Variants in ADAM32 observed in about 807,000 individuals in gnomAD.
ADAM32 encodes the protein ADAM metallopeptidase domain 32.
Under a neutral mutation model 114.9 loss-of-function variants are expected in ADAM32, and 89 were observed. That is an observed-to-expected ratio of 0.77 (90% CI 0.65 to 0.92). ADAM32 has a LOEUF of 0.92. ADAM32 is among the 40% of genes least tolerant of loss of function. The pLI, the probability that ADAM32 is intolerant of heterozygous loss-of-function variation, is 0.00. For missense variants in ADAM32, 870 were observed against 932.8 expected (o/e 0.93, Z 0.88); for synonymous variants, 285 against 307.5 (o/e 0.93, Z 0.77).
intron 11 of ADAM32, among the ~76,000 whole-genome samples, chr8:39,195,127 A>G (rs867022368): frequency 2.6e-5 from 4 of 152,126 alleles, no homozygotes; most frequent in African/African-American, 9.7e-5. Flanking sequence ...TCAGCCCAGC[A>G]TCTGTGTCTT....
chr8:39,124,658 C>A (rs1802008931), intron 2 of ADAM32, among the ~76,000 whole-genome samples: 1 of 152,040 alleles, frequency 6.6e-6, no homozygotes, highest in African/African-American at 2.4e-5. Context: ...CCTTGTGATC[C>A]ACCGCCTTGG....
chr8:39,129,355 C>A (rs1018237828), intron 2 of ADAM32, among the ~76,000 whole-genome samples: 1 of 151,962 alleles, frequency 6.6e-6, no homozygotes, highest in African/African-American at 2.4e-5. Context: ...TTTGTAAAGG[C>A]CTTTATCATG....
At chr8:39,143,624 G>A (rs888055774) in intron 3 of ADAM32, among the ~76,000 whole-genome samples, 4 of 152,210 alleles carry the variant, frequency 2.6e-5, no homozygotes, top group African/African-American at 2.4e-5. Flanking sequence ...GGTGTCTGTC[G>A]ACCCCTACTG....
intron 20 of ADAM32, among the ~76,000 whole-genome samples, chr8:39,272,996 T>A (rs1812828783): frequency 6.6e-6 from 1 of 152,100 alleles, no homozygotes; most frequent in African/African-American, 2.4e-5. Flanking sequence ...AGCCTTGGTC[T>A]ATGCAGGGTC....
At chr8:39,210,913 G>C (rs907205974) in intron 11 of ADAM32, among the ~76,000 whole-genome samples, 3 of 150,528 alleles carry the variant, frequency 2.0e-5, no homozygotes, top group East Asian at 1.9e-4. Context: ...TTGGATTACT[G>C]TGTGTGTGTG....
At chr8:39,130,365 G>GT (rs1024603958) in intron 2 of ADAM32, among the ~76,000 whole-genome samples, 9 of 151,568 alleles carry the variant, frequency 5.9e-5, no homozygotes, top group South Asian at 2.1e-4. Context: ...GATTTTCTTT[G>GT]TTTTTTTGTT....
intron 3 of ADAM32, among the ~76,000 whole-genome samples, chr8:39,139,026 CT>C (rs1331946614): frequency 2.0e-5 from 3 of 151,970 alleles, no homozygotes; most frequent in Admixed American, 6.6e-5. Flanking sequence ...GGGTTGTTTG[CT>C]TTTTTTCTTT....
intron 11 of ADAM32, among the ~76,000 whole-genome samples, chr8:39,207,163 T>C (rs1211176746): frequency 6.6e-6 from 1 of 152,190 alleles, no homozygotes; most frequent in African/African-American, 2.4e-5. Flanking sequence ...TCTCTGCTCC[T>C]CTGTCTTTCT....
At chr8:39,175,120 C>G (rs1435305986) in intron 10 of ADAM32, among the ~76,000 whole-genome samples, 1 of 152,158 alleles carries the variant, frequency 6.6e-6, no homozygotes, top group Non-Finnish European at 1.5e-5. Flanking sequence ...AGGATCATGT[C>G]ATCTGCAAAC....
At chr8:39,124,543 G>T (rs903466269) in intron 2 of ADAM32, among the ~76,000 whole-genome samples, 1 of 151,514 alleles carries the variant, frequency 6.6e-6, no homozygotes, top group African/African-American at 2.4e-5. Flanking sequence ...TCAGCCTCCC[G>T]AGTAGCTGGG....
At chr8:39,126,406 G>T (rs1307773540) in intron 2 of ADAM32, among the ~76,000 whole-genome samples, 1 of 152,132 alleles carries the variant, frequency 6.6e-6, no homozygotes, top group Admixed American at 6.6e-5. Flanking sequence ...CTCGTTAGCT[G>T]CATTCCTAGG....
chr8:39,160,889 TTTTCTA>T lies in ADAM32; in HGVS notation c.526-7_526-2del, dbSNP rs1804466920. The T allele has an allele frequency of 2.5e-6, 4 of 1,578,440 alleles. No homozygotes were observed. The highest frequency in any genetic ancestry group is 3.4e-6 in the Non-Finnish European group (4 of 1,163,972). On this transcript the variant is annotated splice_acceptor_variant and splice_polypyrimidine_tract_variant and intron_variant, in intron 6 of 24. Transcript: ENST00000379907. LOFTEE classifies it high-confidence loss of function. ...TCATGTATTATATGCTGTTTTCCTT[TTTTCTA>T]GTCAGAACCAGCTGTTCCAGATTTA...
At position 39,227,828 on chromosome 8, in the gene ADAM32, G is replaced by A. The variant is rs543905683; in HGVS notation, c.1526-4199G>A. On this transcript the variant is annotated intron_variant, in intron 14 of 24. Transcript: ENST00000379907. ...ACTGGTCCCTCTCCATACTACCACA[G>A]CTGATGCTCTCTGGAAAGGACCACC... 2.1e-4 allele frequency among the ~76,000 whole-genome samples: 32 copies of A among 152,286 alleles called. 1 individual carries two copies. In the South Asian group the frequency reaches 6.4e-3, roughly 31 times the overall value.
intron 10 of ADAM32, among the ~76,000 whole-genome samples, chr8:39,186,664 ACTAC>A (rs1378369953): frequency 1.3e-5 from 2 of 152,196 alleles, no homozygotes; most frequent in Non-Finnish European, 2.9e-5. Context: ...ATTGATACTA[ACTAC>A]CTAAGAATTA....
chr8:39,261,683 T>C (rs9632843), intron 19 of ADAM32, among the ~76,000 whole-genome samples: 272 of 152,312 alleles, frequency 1.8e-3, no homozygotes, highest in African/African-American at 5.8e-3. Context: ...ACAGTGTCCC[T>C]TTTCTCTGCA....
intron 5 of ADAM32, among the ~76,000 whole-genome samples, chr8:39,150,085 G>A (rs1288213333): frequency 1.3e-5 from 2 of 152,068 alleles, no homozygotes; most frequent in Admixed American, 1.3e-4. Flanking sequence ...AGATTTCCTA[G>A]TCTCCTTGCT....
At chr8:39,180,716 G>C (rs987234219) in intron 10 of ADAM32, among the ~76,000 whole-genome samples, 2 of 152,174 alleles carry the variant, frequency 1.3e-5, no homozygotes, top group African/African-American at 2.4e-5. Context: ...TCTAGCTCAG[G>C]GTTTGTGAGT....
chr8:39,143,936 C>T (rs529702114), intron 3 of ADAM32, among the ~76,000 whole-genome samples: 1 of 152,172 alleles, frequency 6.6e-6, no homozygotes, highest in Non-Finnish European at 1.5e-5. Flanking sequence ...GGCAGATGAC[C>T]CTTCCCCCAA....
At chr8:39,179,959 C>T (rs1406175803) in intron 10 of ADAM32, among the ~76,000 whole-genome samples, 1 of 152,216 alleles carries the variant, frequency 6.6e-6, no homozygotes, top group Non-Finnish European at 1.5e-5. Flanking sequence ...GCTGGCAGTC[C>T]TCAGAGCCCT....
Sources: allele counts gnomAD v4.1 joint callset (sites outside exome capture counted in the v4.1 genomes callset), GRCh38; gene constraint gnomAD v4.1.1; transcripts MANE v1.5; gene names NCBI Gene and HGNC (gene_info 2026-07-23, HGNC 2026-07-21).